LYST: variants seen among roughly 807,000 people sequenced by gnomAD.
LYST encodes lysosomal-trafficking regulator.
LYST carries 192 observed loss-of-function variants against 413.6 expected under a neutral mutation model. The observed-to-expected ratio is 0.46, with a 90% confidence interval of 0.41 to 0.52. The LOEUF (loss-of-function observed/expected upper bound fraction) is 0.52. Ranked by LOEUF, LYST falls within the 20% of genes least tolerant of loss-of-function variation. The pLI, the probability that LYST is intolerant of heterozygous loss-of-function variation, is 0.00. For synonymous variants in LYST, 1,525 were observed against 1,567.3 expected (o/e 0.97, Z 0.64); for missense variants, 3,815 against 4,499.9 (o/e 0.85, Z 4.35).
At chr1:235,689,050 T>C (rs955523145) in intron 47 of LYST, among the ~76,000 whole-genome samples, 93 of 131,746 alleles carry the variant, frequency 7.1e-4, no homozygotes, top group Non-Finnish European at 9.4e-4. Flanking sequence ...ACAACAACAA[T>C]AATATCCTAG....
intron 45 of LYST, among the ~76,000 whole-genome samples, chr1:235,701,409 C>T (rs1469943428): frequency 6.6e-6 from 1 of 151,998 alleles, no homozygotes; most frequent in Non-Finnish European, 1.5e-5. Context: ...GCGGGCAGAT[C>T]ATGAGGCCAG....
At chr1:235,677,967 T>C (rs12123738) in intron 48 of LYST, among the ~76,000 whole-genome samples, 222 of 152,264 alleles carry the variant, frequency 1.5e-3, no homozygotes, top group Admixed American at 2.4e-3. Flanking sequence ...TTTTTAATGA[T>C]GTTATAATAT....
chr1:235,834,934 G>T (rs534702328), intron 1 of LYST, among the ~76,000 whole-genome samples: 15 of 149,444 alleles, frequency 1.0e-4, no homozygotes, highest in Admixed American at 3.3e-4. Context: ...TTTTTTTTTT[G>T]AGAGGAGTTT....
chr1:235,719,030 T>C (rs544527602), intron 40 of LYST, among the ~76,000 whole-genome samples: 2 of 152,346 alleles, frequency 1.3e-5, no homozygotes, highest in Admixed American at 6.5e-5. Context: ...TCTATTTTTA[T>C]TTTTTGAGAC....
At position 235,808,601 on chromosome 1, in the gene LYST, G is replaced by A. The variant is rs927344884; in HGVS notation, c.2217C>T (p.Leu739=). 5.6e-6 allele frequency: 9 copies of A among 1,613,892 alleles called. No individual in the cohort carries two copies. The East Asian group carries it at 2.0e-4, about 36-fold the overall frequency. ...GATGTGCTAATTCAACTCCTCTTTG[G>A]AGCACAGGATTAAATATGTAATTAT... ...KLYNYIFNPV[L]QRGVELAHHC... Residue 739 remains leucine (L), a synonymous_variant, in exon 5 of 53, where the codon CTC becomes CTT. Transcript: ENST00000389793.
At chr1:235,808,167 C>T (rs1013268799) in intron 5 of LYST, among the ~76,000 whole-genome samples, 2 of 152,156 alleles carry the variant, frequency 1.3e-5, no homozygotes, top group Non-Finnish European at 2.9e-5. Context: ...AAATCAATGG[C>T]TGTATCCTCT....
intron 11 of LYST, 95 bp downstream of exon 11, chr1:235,793,408 T>C: frequency 1.5e-6 from 1 of 648,018 alleles, no homozygotes; most frequent in Non-Finnish European, 2.7e-6. Flanking sequence ...AGAAAGAGCT[T>C]AGTAACATTT....
chr1:235,858,838 T>A (rs1558353045), intron 1 of LYST, among the ~76,000 whole-genome samples: 1 of 152,040 alleles, frequency 6.6e-6, no homozygotes, highest in Non-Finnish European at 1.5e-5. Context: ...AGTCTATTTG[T>A]TTTCTGCATT....
intron 1 of LYST, among the ~76,000 whole-genome samples, chr1:235,836,568 TATTG>T (rs2103025758): frequency 6.6e-6 from 1 of 152,242 alleles, no homozygotes; most frequent in East Asian, 1.9e-4. Context: ...ATGTACGGGA[TATTG>T]AGTGCAAGAG....
chr1:235,731,623 A>ATCT (rs1471171941), intron 34 of LYST, among the ~76,000 whole-genome samples: 1 of 135,716 alleles, frequency 7.4e-6, no homozygotes, highest in African/African-American at 2.9e-5. Flanking sequence ...CAGTGGCGTG[A>ATCT]TCTTGGCTCA....
chr1:235,760,645 A>G (rs1186129640), intron 22 of LYST, among the ~76,000 whole-genome samples: 1 of 152,206 alleles, frequency 6.6e-6, no homozygotes, highest in Non-Finnish European at 1.5e-5. Flanking sequence ...TACAGAATGT[A>G]TGAGAGAGGG....
At chr1:235,715,634 T>C (rs1047142466) in intron 41 of LYST, among the ~76,000 whole-genome samples, 6 of 152,038 alleles carry the variant, frequency 3.9e-5, no homozygotes, top group African/African-American at 1.4e-4. Flanking sequence ...CTTTGAGCAC[T>C]CCACCTCCTA....
At chr1:235,800,494 T>C (rs929067682) in intron 9 of LYST, 108 bp from the exon 10 acceptor site, 3 of 677,036 alleles carry the variant, frequency 4.4e-6, no homozygotes, top group African/African-American at 1.8e-5. Context: ...TATATGTATA[T>C]ATGTATTTAA....
intron 31 of LYST, among the ~76,000 whole-genome samples, chr1:235,740,038 G>GA (rs1012012330): frequency 2.0e-5 from 3 of 152,014 alleles, no homozygotes; most frequent in African/African-American, 4.8e-5. Context: ...ATAAAGGAAA[G>GA]AAAAAAACAC....
At position 235,664,339 on chromosome 1, in the gene LYST, C is replaced by T; in HGVS notation, c.11195+126G>A. On this transcript the variant is annotated intron_variant, in intron 51 of 52. Transcript: ENST00000389793. This position sits in a 1 kb window ranked among gnomAD's most constrained non-coding sequence, Gnocchi z 4.5. The stretch of plus-strand genomic sequence containing the variant: ...AAAACAGGAATAACTAAAGAACCTA[C>T]ACCCCAAGGTGAGTTTAAATCTCTA... The T allele has an allele frequency of 1.2e-6, 1 of 867,304 alleles. No individual in the cohort carries two copies. The highest frequency in any genetic ancestry group is 1.6e-5 in the South Asian group (1 of 63,648). The allele number at this position is 867,304 out of a possible 1,614,324, so 53.7% of individuals were successfully genotyped here. A position where few individuals can be genotyped will look rare whatever the true frequency, so the allele number is the denominator to read the frequency against.
intron 46 of LYST, among the ~76,000 whole-genome samples, chr1:235,695,925 G>A (rs552335254): frequency 6.6e-5 from 10 of 151,976 alleles, no homozygotes; most frequent in South Asian, 2.1e-4. Context: ...TTGAGCCACC[G>A]CACCCAGCCT....
intron 1 of LYST, among the ~76,000 whole-genome samples, chr1:235,839,210 C>T (rs1361466049): frequency 2.0e-5 from 3 of 151,888 alleles, no homozygotes; most frequent in Non-Finnish European, 4.4e-5. Context: ...GGACTGTGTT[C>T]CTATTCTATA....
In LYST at chr1:235,874,574, T is replaced by C. The variant is rs1681062957; in HGVS notation, n.454+8613A>G. Among the ~76,000 whole-genome samples the C allele has an allele frequency of 3.9e-5, 6 of 152,324 alleles. 1 individual carries two copies. In the South Asian group the frequency reaches 8.3e-4, roughly 21 times the overall value. On this transcript the variant is annotated intron_variant and non_coding_transcript_variant, in intron 1 of 11. Transcript: ENST00000465349. ...TATTTTAAGCACCTCCAGTCTAAGA[T>C]AAATTTTTTAAAATAAGAGTAATGC...
intron 28 of LYST, among the ~76,000 whole-genome samples, chr1:235,750,317 GT>G (rs1462145622): frequency 6.6e-6 from 1 of 152,176 alleles, no homozygotes; most frequent in Non-Finnish European, 1.5e-5. Context: ...ATTTATATAA[GT>G]TTGATTTAGC....
Sources: gnomAD v4.1 joint callset for allele counts (sites outside exome capture counted in the v4.1 genomes callset) on GRCh38, gnomAD v4.1.1 for gene constraint, Gnocchi (gnomAD v3.1) non-coding constraint, MANE v1.5 for transcripts, NCBI Gene and HGNC (gene_info 2026-07-23, HGNC 2026-07-21) for gene names.